Variants in ATAD1 observed in about 807,000 individuals in gnomAD.
ATAD1 encodes ATPase family AAA domain containing 1, also known as outer mitochondrial transmembrane helix translocase.
Under a neutral mutation model 42.7 loss-of-function variants are expected in ATAD1, and 18 were observed. The observed-to-expected ratio is 0.42, with a 90% CI of 0.29 to 0.63. The LOEUF (loss-of-function observed/expected upper bound fraction) is 0.63, where lower values mean the gene tolerates loss of function less well. Among genes scored for constraint, ATAD1 ranks in the 20% least tolerant of loss-of-function variants. The pLI, the probability that ATAD1 is intolerant of heterozygous loss-of-function variation, is 0.19. For missense variants in ATAD1, 294 were observed against 440.4 expected, an observed-to-expected ratio of 0.67 and a Z score of 2.98; for synonymous variants, 132 against 143.1, an observed-to-expected ratio of 0.92 and a Z score of 0.55.
intron 6 of ATAD1, among the ~76,000 whole-genome samples, chr10:87,772,492 A>G (rs1411878837): frequency 6.6e-6 from 1 of 152,182 alleles, no homozygotes; most frequent in South Asian, 2.1e-4. Flanking sequence ...ACAAATCTTA[A>G]AAGTGGGTGA....
chr10:87,757,256 T>G (rs188116984), intron 8 of ATAD1, among the ~76,000 whole-genome samples: 2 of 138,682 alleles, frequency 1.4e-5, no homozygotes, highest in Admixed American at 1.5e-4. Context: ...GCAAATAACC[T>G]ACATCAAGAG....
chr10:87,824,374 A>T (rs1314083715), intron 1 of ATAD1, among the ~76,000 whole-genome samples: 1 of 152,204 alleles, frequency 6.6e-6, no homozygotes, highest in Non-Finnish European at 1.5e-5. Context: ...TCTATAGGGT[A>T]TAAGAACGTG....
chr10:87,784,924 T>C (rs1487006549), intron 4 of ATAD1, among the ~76,000 whole-genome samples: 1 of 152,200 alleles, frequency 6.6e-6, no homozygotes. Flanking sequence ...TCAGTTTAAA[T>C]GCTCACCTTG....
chr10:87,835,457 A>G (rs1857913575), intron 1 of ATAD1, among the ~76,000 whole-genome samples: 1 of 152,058 alleles, frequency 6.6e-6, no homozygotes, highest in South Asian at 2.1e-4. Flanking sequence ...ACTTTGTCTG[A>G]TAGTAATATA....
At chr10:87,825,806 A>G (rs1033199158) in intron 1 of ATAD1, among the ~76,000 whole-genome samples, 3 of 151,774 alleles carry the variant, frequency 2.0e-5, no homozygotes, top group African/African-American at 7.3e-5. Flanking sequence ...GGCTTAAGCA[A>G]TCCTCCCAGC....
chr10:87,779,485 C>T (rs1428885780), intron 5 of ATAD1, among the ~76,000 whole-genome samples: 1 of 152,052 alleles, frequency 6.6e-6, no homozygotes, highest in African/African-American at 2.4e-5. Flanking sequence ...AAGATAATAA[C>T]CTAATTGTTG....
intron 2 of ATAD1, among the ~76,000 whole-genome samples, chr10:87,793,767 T>C (rs1423324388): frequency 1.3e-5 from 2 of 152,220 alleles, no homozygotes; most frequent in Admixed American, 6.5e-5. Context: ...CTCTGGTAAA[T>C]CATGTTTACC....
chr10:87,761,389 G>A (rs1286108519), intron 8 of ATAD1, among the ~76,000 whole-genome samples: 2 of 152,080 alleles, frequency 1.3e-5, no homozygotes, highest in African/African-American at 2.4e-5. Flanking sequence ...CTGCTGGGTG[G>A]GATGGCTCAT....
At chr10:87,803,317 C>T (rs1856786971) in intron 2 of ATAD1, among the ~76,000 whole-genome samples, 1 of 152,110 alleles carries the variant, frequency 6.6e-6, no homozygotes, top group South Asian at 2.1e-4. Context: ...AATATGCTTT[C>T]TCCAAAAGAT....
At chr10:87,761,574 A>G in intron 8 of ATAD1, among the ~76,000 whole-genome samples, 1 of 152,044 alleles carries the variant, frequency 6.6e-6, no homozygotes. Context: ...AGGCGGGGGG[A>G]TCACTTGAGC....
At chr10:87,764,987 T>C (rs745664425) in intron 8 of ATAD1, among the ~76,000 whole-genome samples, 6 of 152,142 alleles carry the variant, frequency 3.9e-5, no homozygotes, top group African/African-American at 4.8e-5. Context: ...CAGAGACTTG[T>C]ACATAGACTA....
upstream of ATAD1, among the ~76,000 whole-genome samples, chr10:87,821,243 C>T (rs1857625548): frequency 6.6e-6 from 1 of 151,964 alleles, no homozygotes; most frequent in Non-Finnish European, 1.5e-5. Flanking sequence ...ATTAGGTGTT[C>T]TTGGCTGGGC....
At chr10:87,797,328 A>AAAAAAAC (rs1564766747) in intron 2 of ATAD1, among the ~76,000 whole-genome samples, 1 of 151,894 alleles carries the variant, frequency 6.6e-6, no homozygotes, top group Non-Finnish European at 1.5e-5. Flanking sequence ...AGGAAAGAAA[A>AAAAAAAC]AAAAACAAAA....
chr10:87,764,335 GCCTGTAATCC>G (rs1286399425), intron 8 of ATAD1, among the ~76,000 whole-genome samples: 1 of 152,094 alleles, frequency 6.6e-6, no homozygotes, highest in African/African-American at 2.4e-5. Flanking sequence ...GGTGGCACGT[GCCTGTAATCC>G]CAGCTACTCG....
chr10:87,789,383 A>G (rs1855985958), intron 4 of ATAD1, among the ~76,000 whole-genome samples: 1 of 152,198 alleles, frequency 6.6e-6, no homozygotes, highest in Non-Finnish European at 1.5e-5. Flanking sequence ...TAAATTATTT[A>G]CACTCCATCT....
intron 1 of ATAD1, chr10:87,841,153 C>T (rs1858027571): frequency 6.6e-6 from 1 of 152,002 alleles, no homozygotes; most frequent in Admixed American, 6.6e-5. Context: ...ACACTAGAGC[C>T]TATATGAAGT....
intron 2 of ATAD1, among the ~76,000 whole-genome samples, chr10:87,799,740 A>G (rs1856591181): frequency 1.3e-5 from 2 of 152,208 alleles, no homozygotes; most frequent in South Asian, 4.1e-4. Flanking sequence ...CTAAAGTTAT[A>G]CTAAAATAAT....
chr10:87,826,545 A>C (rs942457880), intron 1 of ATAD1, among the ~76,000 whole-genome samples: 3 of 152,228 alleles, frequency 2.0e-5, no homozygotes, highest in Non-Finnish European at 4.4e-5. Flanking sequence ...AAATGCTAAT[A>C]ATTCTTGGCT....
At chr10:87,759,536 C>T (rs1255486852) in intron 8 of ATAD1, among the ~76,000 whole-genome samples, 1 of 152,206 alleles carries the variant, frequency 6.6e-6, no homozygotes, top group African/African-American at 2.4e-5. Context: ...TTCCTCCTGT[C>T]TTTTGACCAC....
Sources: gnomAD v4.1 joint callset for allele counts (sites outside exome capture counted in the v4.1 genomes callset) on GRCh38, gnomAD v4.1.1 for gene constraint, MANE v1.5 for transcripts, NCBI Gene and HGNC (gene_info 2026-07-23, HGNC 2026-07-21) for gene names.